Variants in MTUS2 observed in about 807,000 individuals in gnomAD.
MTUS2 encodes microtubule-associated tumor suppressor candidate 2.
A neutral mutation model predicts 114.1 loss-of-function variants in MTUS2; 40 were observed. The observed-to-expected ratio is 0.35, with a 90% CI of 0.27 to 0.46. The LOEUF (loss-of-function observed/expected upper bound fraction) is 0.46, where lower values mean the gene tolerates loss of function less well. Among genes scored for constraint, MTUS2 ranks in the 20% least tolerant of loss-of-function variants. The pLI is 1.00. For missense variants in MTUS2, 1,679 were observed against 1,705.4 expected, an observed-to-expected ratio of 0.98 and a Z score of 0.27; for synonymous variants, 688 against 672.0, an observed-to-expected ratio of 1.02 and a Z score of -0.37.
chr13:29,441,340 G>T (rs1049828255), intron 9 of MTUS2, among the ~76,000 whole-genome samples: 3 of 152,184 alleles, frequency 2.0e-5, no homozygotes, highest in African/African-American at 4.8e-5. Context: ...GAGCGGGAGG[G>T]GAGAAAGTGG....
intron 4 of MTUS2, among the ~76,000 whole-genome samples, chr13:29,069,756 G>C (rs190809202): frequency 2.0e-5 from 3 of 152,288 alleles, no homozygotes; most frequent in Non-Finnish European, 4.4e-5. Context: ...TAGCTGAAGC[G>C]TATGGCCCTT....
chr13:29,211,561 A>G (rs1339575012), intron 5 of MTUS2, among the ~76,000 whole-genome samples: 1 of 152,160 alleles, frequency 6.6e-6, no homozygotes, highest in Non-Finnish European at 1.5e-5. Flanking sequence ...ACCCCTCCCC[A>G]AGAACTCCTG....
chr13:29,094,604 A>G (rs897463493), intron 4 of MTUS2, among the ~76,000 whole-genome samples: 20 of 151,970 alleles, frequency 1.3e-4, no homozygotes, highest in African/African-American at 4.8e-4. Context: ...AGGTTTGTCA[A>G]ATTTATTGAT....
At chr13:28,909,708 G>A (rs964497737) in intron 2 of MTUS2, among the ~76,000 whole-genome samples, 1 of 152,092 alleles carries the variant, frequency 6.6e-6, no homozygotes, top group African/African-American at 2.4e-5. Context: ...GAAATAAAGG[G>A]TATTCAATTA....
intron 8 of MTUS2, among the ~76,000 whole-genome samples, chr13:29,422,515 G>A (rs1216823109): frequency 6.6e-6 from 1 of 152,152 alleles, no homozygotes; most frequent in Non-Finnish European, 1.5e-5. Context: ...GCTTTCCTAT[G>A]ACTTTTCTAA....
intron 4 of MTUS2, among the ~76,000 whole-genome samples, chr13:29,060,378 TCTCA>T (rs1389154160): frequency 4.0e-5 from 6 of 151,548 alleles, no homozygotes; most frequent in Non-Finnish European, 8.8e-5. Flanking sequence ...CCCCAGGGGC[TCTCA>T]CTCACTCACT....
chr13:29,025,299 G>C lies in MTUS2; in HGVS notation c.601G>C (p.Asp201His), dbSNP rs372358810. Residue 201 changes from aspartate (D) to histidine (H), a missense_variant, in exon 3 of 16, where the codon GAC becomes CAC. Physicochemically the swap from Asp to His is moderately conservative, Grantham distance 81. Transcript: ENST00000612955. ...TPQHPQPLSL[D>H]SREARGQIPG... ...GCAGCATCCACAGCCTCTATCCCTCGACTCCCGGGAAGCACGGGGTCAGAT... is the reference window on the plus strand; with the variant it reads ...GCAGCATCCACAGCCTCTATCCCTCCACTCCCGGGAAGCACGGGGTCAGAT... 33 of 1,613,866 alleles carry C rather than the reference G, an allele frequency of 2.0e-5. No individual in the cohort carries two copies. In the African/African-American group the frequency reaches 2.5e-4, roughly 12 times the overall value.
At chr13:29,094,945 A>G (rs928386573) in intron 4 of MTUS2, among the ~76,000 whole-genome samples, 1 of 151,918 alleles carries the variant, frequency 6.6e-6, no homozygotes, top group Non-Finnish European at 1.5e-5. Flanking sequence ...GTGGTTATTT[A>G]TGTGTGTTCA....
At chr13:29,182,918 G>A (rs1286372640) in intron 5 of MTUS2, among the ~76,000 whole-genome samples, 1 of 152,184 alleles carries the variant, frequency 6.6e-6, no homozygotes, top group East Asian at 1.9e-4. Context: ...TGCAGCTGAA[G>A]GGGAGGGAGC....
chr13:28,998,155 A>G (rs964107986), intron 2 of MTUS2, among the ~76,000 whole-genome samples: 7 of 152,018 alleles, frequency 4.6e-5, no homozygotes, highest in South Asian at 2.1e-4. Context: ...TATGAAGCTT[A>G]GTTTGGCTGG....
intron 2 of MTUS2, among the ~76,000 whole-genome samples, chr13:28,888,689 T>G (rs953801625): frequency 2.6e-5 from 4 of 152,136 alleles, no homozygotes; most frequent in Non-Finnish European, 4.4e-5. Context: ...CCCAAAGTGC[T>G]GGGATTACAG....
intron 9 of MTUS2, among the ~76,000 whole-genome samples, chr13:29,462,884 G>A (rs561330667): frequency 6.6e-6 from 1 of 152,092 alleles, no homozygotes; most frequent in Non-Finnish European, 1.5e-5. Flanking sequence ...CAGGCTGAAC[G>A]ACATCCCCGA....
intron 5 of MTUS2, among the ~76,000 whole-genome samples, chr13:29,254,072 G>A (rs895396439): frequency 6.6e-6 from 1 of 152,174 alleles, no homozygotes; most frequent in Non-Finnish European, 1.5e-5. Flanking sequence ...AGATGACATA[G>A]TGTGTTAGAA....
intron 5 of MTUS2, among the ~76,000 whole-genome samples, chr13:29,183,950 A>T (rs753764113): frequency 2.6e-4 from 40 of 152,176 alleles, no homozygotes; most frequent in Non-Finnish European, 4.4e-4. Context: ...AAAATATTTA[A>T]ACATAAAAAG....
chr13:29,354,456 A>C (rs57767755), intron 7 of MTUS2, among the ~76,000 whole-genome samples: 2,275 of 152,172 alleles, frequency 0.015, 48 homozygotes, highest in African/African-American at 0.051. Flanking sequence ...AAGTTTCCTA[A>C]AGTTGAAAAT....
chr13:28,884,599 A>T (rs1051944463), intron 2 of MTUS2, among the ~76,000 whole-genome samples: 1 of 152,212 alleles, frequency 6.6e-6, no homozygotes, highest in Non-Finnish European at 1.5e-5. Context: ...CACACGGCAC[A>T]CACATATACA....
At position 29,213,226 on chromosome 13, in the gene MTUS2, C is replaced by A. The variant is rs1895527472; in HGVS notation, c.2645-68478C>A. On this transcript the variant is annotated intron_variant, in intron 5 of 15. Transcript: ENST00000612955. ...TATTATGTCACAGATGACTTGAATC[C>A]TTTTAAATTTATCGAGCCTTGTTTT... Among the ~76,000 whole-genome samples, 3 of 152,184 alleles carry A rather than the reference C, an allele frequency of 2.0e-5. No individual in the cohort carries two copies. In the South Asian group the frequency reaches 6.2e-4, roughly 32 times the overall value.
intron 6 of MTUS2, among the ~76,000 whole-genome samples, chr13:29,293,766 A>T (rs1036548684): frequency 1.3e-5 from 2 of 152,154 alleles, no homozygotes; most frequent in Non-Finnish European, 2.9e-5. Flanking sequence ...AAAATGAGAT[A>T]GATCTACATG....
rs545066809 is a variant in MTUS2, at chr13:28,981,081, A to G, written c.-242-43376A>G. Among the ~76,000 whole-genome samples, 44 of 152,372 alleles carry G rather than the reference A, an allele frequency of 2.9e-4. 1 individual carries two copies. Among genetic ancestry groups the G allele is most frequent in the African/African-American group, 9.9e-4 (41 of 41,596 alleles). ...TCAAAAGTAATCCTTTAATGAGGCC[A>G]GCCTTTAAAAGTGAAGCCACTGATG... On this transcript the variant is annotated intron_variant, in intron 2 of 15. Transcript: ENST00000612955.
Sources: gnomAD v4.1 joint callset for allele counts (sites outside exome capture counted in the v4.1 genomes callset) on GRCh38, gnomAD v4.1.1 for gene constraint, MANE v1.5 for transcripts, NCBI Gene and HGNC (gene_info 2026-07-23, HGNC 2026-07-21) for gene names.